MYO1E: variants seen among roughly 807,000 people sequenced by gnomAD.
MYO1E encodes the protein unconventional myosin-Ie.
In MYO1E, 68 loss-of-function variants were observed where a neutral mutation model predicts 151.1. The ratio of observed to expected loss-of-function variants is 0.45; its 90% CI spans 0.37 to 0.55. The LOEUF is 0.55. MYO1E is among the 20% of genes least tolerant of loss of function. MYO1E has a pLI of 0.00. For synonymous variants in MYO1E, 601 were observed against 501.7 expected (o/e 1.20, Z -2.64); for missense variants, 1,363 against 1,389.3 (o/e 0.98, Z 0.30).
chr15:59,293,371 C>A (rs1229630321), intron 1 of MYO1E, among the ~76,000 whole-genome samples: 1 of 151,950 alleles, frequency 6.6e-6, no homozygotes, highest in African/African-American at 2.4e-5. Flanking sequence ...CATGGTGAAA[C>A]CCCATCTCTA....
chr15:59,286,980 G>A (rs1169827001), intron 1 of MYO1E, among the ~76,000 whole-genome samples: 2 of 152,240 alleles, frequency 1.3e-5, no homozygotes, highest in Non-Finnish European at 2.9e-5. Context: ...AATCCACATG[G>A]CAGATCAGTG....
At chr15:59,334,831 C>A (rs2080718882) in intron 1 of MYO1E, among the ~76,000 whole-genome samples, 1 of 152,200 alleles carries the variant, frequency 6.6e-6, no homozygotes, top group African/African-American at 2.4e-5. Context: ...TCCACACTGA[C>A]TACAAGAATG....
In MYO1E at chr15:59,224,450, A is replaced by G. The variant is rs372083377; in HGVS notation, c.777+239T>C. Among the ~76,000 whole-genome samples the G allele has an allele frequency of 1.9e-3, 285 of 152,354 alleles. 1 individual carries two copies. Among genetic ancestry groups the G allele is most frequent in the African/African-American group, 6.5e-3 (269 of 41,590 alleles). On this transcript the variant is annotated intron_variant, in intron 8 of 27. Transcript: ENST00000288235. ...TTTGCCTATTTATCAGAGCTCCTGCAGGGTGATAATGATGAATTCATTTCT... is the reference window on the plus strand; with the variant it reads ...TTTGCCTATTTATCAGAGCTCCTGCGGGGTGATAATGATGAATTCATTTCT...
At chr15:59,265,194 T>C (rs2080246111) in intron 2 of MYO1E, among the ~76,000 whole-genome samples, 1 of 152,164 alleles carries the variant, frequency 6.6e-6, no homozygotes. Flanking sequence ...GCTCCTTCCA[T>C]GGAGGAGGGT....
chr15:59,178,669 C>G, intron 18 of MYO1E, 132 bp from the exon 19 acceptor site: 1 of 1,231,230 alleles, frequency 8.1e-7, no homozygotes, highest in Non-Finnish European at 1.1e-6. Flanking sequence ...TGTTTACCAG[C>G]GTTCGAAGGC....
intron 17 of MYO1E, 41 bp from the exon 18 acceptor site, chr15:59,188,257 A>G: frequency 6.6e-7 from 1 of 1,514,798 alleles, no homozygotes. Flanking sequence ...TTACTGGATA[A>G]TCCTTTCACT....
rs1241223390 is a variant in MYO1E, at chr15:59,153,900, A to T, written c.2879-109T>A. The T allele has an allele frequency of 2.9e-6, 3 of 1,045,822 alleles. No individual in the cohort carries two copies. The East Asian group carries it at 7.4e-5, about 26-fold the overall frequency. The allele number at this position is 1,045,822 out of a possible 1,614,324, so 64.8% of individuals were successfully genotyped here. Reference sequence around the variant, plus strand: ...ACAAGGGCAGCTTACTTAACTTCTGAGTCTCAATTTCCGCATTTGAAAAAA... The same window carrying T: ...ACAAGGGCAGCTTACTTAACTTCTGTGTCTCAATTTCCGCATTTGAAAAAA... On this transcript the variant is annotated intron_variant, in intron 25 of 27. Transcript: ENST00000288235.
rs2079355431 is a variant in MYO1E, at chr15:59,133,440, C to T, written c.*3940G>A. The T allele has an allele frequency of 6.6e-6, 1 of 151,908 alleles. No homozygotes were observed. The highest frequency in any genetic ancestry group is 6.6e-5 in the Admixed American group (1 of 15,210). 9.4% of individuals were successfully genotyped at this position (151,908 alleles called of 1,614,324 possible). A position where few individuals can be genotyped will look rare whatever the true frequency, so the allele number is the denominator to read the frequency against. On this transcript the variant is annotated 3_prime_UTR_variant, in exon 28 of 28. Transcript: ENST00000288235. ...GCTCCCCCAGGGAAGAACTGTGTGA[C>T]CTTGGGCGACCTAGTGAACCATACT...
At chr15:59,312,866 A>C (rs1177376836) in intron 1 of MYO1E, among the ~76,000 whole-genome samples, 1 of 151,644 alleles carries the variant, frequency 6.6e-6, no homozygotes, top group Non-Finnish European at 1.5e-5. Context: ...AAAAATAATA[A>C]TAATAATAAT....
At chr15:59,299,007 G>A (rs540456153) in intron 1 of MYO1E, among the ~76,000 whole-genome samples, 10 of 152,248 alleles carry the variant, frequency 6.6e-5, no homozygotes, top group African/African-American at 2.2e-4. Flanking sequence ...TAGATCCTCA[G>A]AAAAAAAGCC....
chr15:59,220,925 TAA>T (rs59578227), intron 9 of MYO1E, among the ~76,000 whole-genome samples: 13,745 of 78,206 alleles, frequency 0.18, 987 homozygotes, highest in Middle Eastern at 0.3. Flanking sequence ...CCCCATCTCT[TAA>T]AAAAAAAAAA....
chr15:59,322,847 T>G (rs1041844202), intron 1 of MYO1E, among the ~76,000 whole-genome samples: 13 of 152,170 alleles, frequency 8.5e-5, no homozygotes, highest in Non-Finnish European at 1.9e-4. Flanking sequence ...AATATTTTTC[T>G]TTTTTAAAGG....
In MYO1E at chr15:59,216,669, T is replaced by TGTG. The variant is rs1162154250; in HGVS notation, c.1107+1221_1107+1222insCAC. ...GTGTGTGTGTGTGTGTGTATGTGTATATATATATATATATATACACATACA... is the reference window on the plus strand; with the variant it reads ...GTGTGTGTGTGTGTGTGTATGTGTATGTGATATATATATATATATACACATACA... On this transcript the variant is annotated intron_variant, in intron 10 of 27. Transcript: ENST00000288235. Among the ~76,000 whole-genome samples, 239 of 26,310 alleles carry TGTG rather than the reference T, an allele frequency of 9.1e-3. 10 individuals are homozygous for TGTG. Among genetic ancestry groups the TGTG allele is most frequent in the African/African-American group, 0.026 (226 of 8,738 alleles). The allele number at this position is 26,310 out of a possible 152,430, so 17.3% of individuals were successfully genotyped here. A position where few individuals can be genotyped will look rare whatever the true frequency, so the allele number is the denominator to read the frequency against.
intron 1 of MYO1E, among the ~76,000 whole-genome samples, chr15:59,316,876 AC>A (rs572294557): frequency 6.6e-6 from 1 of 152,224 alleles, no homozygotes; most frequent in Non-Finnish European, 1.5e-5. Context: ...CCACCCAAGT[AC>A]CTGTGAAAGT....
At chr15:59,369,303 C>T (rs2080931702) in intron 1 of MYO1E, among the ~76,000 whole-genome samples, 1 of 152,168 alleles carries the variant, frequency 6.6e-6, no homozygotes, top group African/African-American at 2.4e-5. Context: ...AAGGGAACAG[C>T]TCTTGAACAT....
intron 1 of MYO1E, among the ~76,000 whole-genome samples, chr15:59,371,612 G>A (rs2080945254): frequency 6.6e-6 from 1 of 152,126 alleles, no homozygotes; most frequent in African/African-American, 2.4e-5. Context: ...AAGTCAAAGA[G>A]GCGGCCCCTT....
chr15:59,139,696 C>T (rs779759982), intron 26 of MYO1E, among the ~76,000 whole-genome samples: 58 of 151,398 alleles, frequency 3.8e-4, no homozygotes, highest in Non-Finnish European at 6.3e-4. Flanking sequence ...CCTCCTACCC[C>T]TCATTATTAC....
At chr15:59,224,663 C>T in intron 8 of MYO1E, 26 bp downstream of exon 8, 1 of 1,614,118 alleles carries the variant, frequency 6.2e-7, no homozygotes, top group Non-Finnish European at 8.5e-7. Flanking sequence ...AGAGCAGATC[C>T]TGCCTGGCCC....
At chr15:59,333,609 C>T (rs2080711013) in intron 1 of MYO1E, among the ~76,000 whole-genome samples, 1 of 152,186 alleles carries the variant, frequency 6.6e-6, no homozygotes, top group Non-Finnish European at 1.5e-5. Context: ...ACCCACAACC[C>T]TACCACACAA....
Sources: allele counts gnomAD v4.1 joint callset (sites outside exome capture counted in the v4.1 genomes callset), GRCh38; gene constraint gnomAD v4.1.1; transcripts MANE v1.5; gene names NCBI Gene and HGNC (gene_info 2026-07-23, HGNC 2026-07-21).